Variants in FHIT observed in about 807,000 individuals in gnomAD.
FHIT encodes fragile histidine triad diadenosine triphosphatase, also known as bis(5'-adenosyl)-triphosphatase.
FHIT carries 19 observed loss-of-function variants against 17.9 expected under a neutral mutation model. The ratio of observed to expected loss-of-function variants is 1.06; its 90% CI spans 0.74 to 1.56. The LOEUF (loss-of-function observed/expected upper bound fraction) is 1.56. FHIT is among the 40% of genes most tolerant of loss of function. The pLI, the probability that FHIT is intolerant of heterozygous loss-of-function variation, is 0.00. For missense variants in FHIT, 248 were observed against 189.2 expected (o/e 1.31, Z -1.82); for synonymous variants, 81 against 69.7 (o/e 1.16, Z -0.81).
intron 3 of FHIT, among the ~76,000 whole-genome samples, chr3:61,039,611 C>G (rs947777675): frequency 1.3e-5 from 2 of 152,046 alleles, no homozygotes; most frequent in African/African-American, 4.8e-5. Context: ...GAACAGAAAA[C>G]CAAACACCAC....
chr3:60,231,195 CCTT>C (rs1415530944), intron 5 of FHIT, among the ~76,000 whole-genome samples: 10 of 152,140 alleles, frequency 6.6e-5, no homozygotes, highest in Non-Finnish European at 1.0e-4. Flanking sequence ...ATATTATTCT[CCTT>C]CTTTGCAGAT....
chr3:59,768,909 T>C (rs1360894964), intron 8 of FHIT, among the ~76,000 whole-genome samples: 1 of 152,224 alleles, frequency 6.6e-6, no homozygotes, highest in East Asian at 1.9e-4. Flanking sequence ...AATGTAACTA[T>C]ATTTACTGAA....
chr3:60,099,940 A>G (rs1283955395), intron 5 of FHIT, among the ~76,000 whole-genome samples: 2 of 152,208 alleles, frequency 1.3e-5, no homozygotes, highest in East Asian at 1.9e-4. Context: ...TGCTTCACAC[A>G]GTAGAAGTGC....
intron 5 of FHIT, among the ~76,000 whole-genome samples, chr3:60,157,516 C>T (rs1700754796): frequency 1.3e-5 from 2 of 152,002 alleles, no homozygotes; most frequent in African/African-American, 4.8e-5. Context: ...TATTAGCATC[C>T]CAAGCAGTCT....
intron 4 of FHIT, among the ~76,000 whole-genome samples, chr3:60,711,773 T>A (rs1227522316): frequency 2.6e-5 from 4 of 152,154 alleles, no homozygotes; most frequent in Non-Finnish European, 4.4e-5. Context: ...TATGGGACTA[T>A]GTGAAAAGAC....
At chr3:60,807,342 G>C (rs1553734603) in intron 4 of FHIT, among the ~76,000 whole-genome samples, 1 of 151,872 alleles carries the variant, frequency 6.6e-6, no homozygotes, top group African/African-American at 2.4e-5. Context: ...CTAGGCTGAA[G>C]CAGGAGGATT....
At chr3:60,635,704 T>G (rs1424645715) in intron 4 of FHIT, among the ~76,000 whole-genome samples, 2 of 152,168 alleles carry the variant, frequency 1.3e-5, no homozygotes, top group African/African-American at 4.8e-5. Flanking sequence ...TAAGACTGCA[T>G]AGTAAGTGGC....
At chr3:60,119,165 C>T (rs568204260) in intron 5 of FHIT, among the ~76,000 whole-genome samples, 1 of 152,034 alleles carries the variant, frequency 6.6e-6, no homozygotes, top group East Asian at 2.0e-4. Flanking sequence ...TCTCTCCCTC[C>T]CAGGTTCAAG....
intron 5 of FHIT, among the ~76,000 whole-genome samples, chr3:60,177,985 C>T (rs1332453486): frequency 6.6e-6 from 1 of 152,160 alleles, no homozygotes; most frequent in Non-Finnish European, 1.5e-5. Context: ...TGACTCAATG[C>T]TGAGAGTCCT....
At chr3:59,759,161 G>A (rs1485816792) in intron 8 of FHIT, among the ~76,000 whole-genome samples, 1 of 152,004 alleles carries the variant, frequency 6.6e-6, no homozygotes, top group Non-Finnish European at 1.5e-5. Context: ...CTTCAAGGAA[G>A]TGTGGTGGTT....
intron 5 of FHIT, among the ~76,000 whole-genome samples, chr3:60,352,505 A>T (rs1233260337): frequency 1.3e-5 from 2 of 151,938 alleles, no homozygotes. Flanking sequence ...TTTCTTTTTT[A>T]AAATTTTTTT....
chr3:60,129,617 G>A (rs545078174), intron 5 of FHIT, among the ~76,000 whole-genome samples: 1 of 152,264 alleles, frequency 6.6e-6, no homozygotes, highest in South Asian at 2.1e-4. Context: ...AGTCCTAGGA[G>A]ATGCCCTAAG....
chr3:61,213,169 T>C (rs955098920), intron 1 of FHIT, among the ~76,000 whole-genome samples: 4 of 152,212 alleles, frequency 2.6e-5, no homozygotes, highest in Non-Finnish European at 2.9e-5. Context: ...TAACTTTAAA[T>C]GTAAATGGAC....
At chr3:60,218,142 T>G (rs951395008) in intron 5 of FHIT, among the ~76,000 whole-genome samples, 7 of 152,180 alleles carry the variant, frequency 4.6e-5, no homozygotes, top group Non-Finnish European at 1.0e-4. Flanking sequence ...AAACAAAACT[T>G]CTTTCGGTCG....
chr3:60,552,638 C>A (rs1444156969), intron 4 of FHIT, among the ~76,000 whole-genome samples: 2 of 152,134 alleles, frequency 1.3e-5, no homozygotes, highest in Non-Finnish European at 2.9e-5. Flanking sequence ...TCATTGCCAA[C>A]TTGGTAAGTA....
chr3:60,648,438 G>T (rs2039913406), intron 4 of FHIT, among the ~76,000 whole-genome samples: 1 of 152,072 alleles, frequency 6.6e-6, no homozygotes, highest in Admixed American at 6.5e-5. Flanking sequence ...ATTGTGCGTG[G>T]TACTTTATCT....
At chr3:60,408,049 A>C (rs771239214) in intron 5 of FHIT, among the ~76,000 whole-genome samples, 1 of 152,186 alleles carries the variant, frequency 6.6e-6, no homozygotes, top group Non-Finnish European at 1.5e-5. Context: ...AAGCTATCTG[A>C]GAAAATTTTC....
chr3:61,180,208 T>TA (rs2038295772), intron 2 of FHIT, among the ~76,000 whole-genome samples: 1 of 152,198 alleles, frequency 6.6e-6, no homozygotes, highest in Non-Finnish European at 1.5e-5. Flanking sequence ...AGGAGATCTG[T>TA]AGTCAATCAT....
chr3:60,380,542 A>G (rs1333567096), intron 5 of FHIT, among the ~76,000 whole-genome samples: 1 of 152,204 alleles, frequency 6.6e-6, no homozygotes, highest in Non-Finnish European at 1.5e-5. Flanking sequence ...TGAGACTCAC[A>G]GTAACTTCTG....
Sources: gnomAD v4.1 joint callset for allele counts (sites outside exome capture counted in the v4.1 genomes callset) on GRCh38, gnomAD v4.1.1 for gene constraint, MANE v1.5 for transcripts, NCBI Gene and HGNC (gene_info 2026-07-23, HGNC 2026-07-21) for gene names.